ORC4: variants seen among roughly 807,000 people sequenced by gnomAD.
ORC4 encodes the protein origin recognition complex subunit 4.
In ORC4, 55 loss-of-function variants were observed where a neutral mutation model predicts 63.9. That is an observed-to-expected ratio of 0.86 (90% CI 0.69 to 1.08). ORC4 has a LOEUF of 1.08. ORC4 is among the 50% of genes least tolerant of loss of function. ORC4 has a pLI of 0.00. For missense variants in ORC4, 511 were observed against 504.4 expected, an observed-to-expected ratio of 1.01 and a Z score of -0.13; for synonymous variants, 150 against 168.5, an observed-to-expected ratio of 0.89 and a Z score of 0.85.
At chr2:147,943,305 C>T in intron 10 of ORC4, 131 bp downstream of exon 10, 1 of 691,238 alleles carries the variant, frequency 1.4e-6, no homozygotes, top group Non-Finnish European at 2.6e-6. Flanking sequence ...AATGTCAGCA[C>T]TTAGGGAGGC....
At chr2:147,987,040 T>A (rs1363971918) in intron 1 of ORC4, among the ~76,000 whole-genome samples, 1 of 151,988 alleles carries the variant, frequency 6.6e-6, no homozygotes, top group East Asian at 1.9e-4. Context: ...TAAAACTATT[T>A]TTTTTTTAGA....
chr2:147,994,901 T>C (rs1691846708), intron 1 of ORC4, among the ~76,000 whole-genome samples: 1 of 152,186 alleles, frequency 6.6e-6, no homozygotes, highest in South Asian at 2.1e-4. Context: ...GGCAGGCTCC[T>C]GTAATCCCAG....
chr2:147,996,410 A>G (rs919649406), intron 1 of ORC4, among the ~76,000 whole-genome samples: 2 of 152,238 alleles, frequency 1.3e-5, no homozygotes, highest in Admixed American at 6.5e-5. Context: ...CGAAAGTACA[A>G]TCCATGAAAG....
At chr2:147,937,604 T>C (rs1190503030) in intron 13 of ORC4, among the ~76,000 whole-genome samples, 1 of 152,180 alleles carries the variant, frequency 6.6e-6, no homozygotes, top group Non-Finnish European at 1.5e-5. Flanking sequence ...AATATATAAT[T>C]AAAATTAAAC....
chr2:147,979,757 G>A (rs532155299), intron 1 of ORC4, among the ~76,000 whole-genome samples: 2 of 152,144 alleles, frequency 1.3e-5, no homozygotes, highest in Non-Finnish European at 2.9e-5. Context: ...ATACAGAGTC[G>A]AGAAATAAAT....
chr2:147,941,546 T>C (rs1688363762), intron 10 of ORC4, among the ~76,000 whole-genome samples: 1 of 151,750 alleles, frequency 6.6e-6, no homozygotes. Context: ...AGGCTGAAAA[T>C]CTGTAATCTA....
At chr2:147,970,551 G>A (rs1690152754) in intron 4 of ORC4, among the ~76,000 whole-genome samples, 1 of 145,552 alleles carries the variant, frequency 6.9e-6, no homozygotes, top group African/African-American at 2.5e-5. Context: ...ACTGATCTTT[G>A]ACAAAGAAGC....
chr2:148,020,433 G>A (rs887514533), intron 1 of ORC4, among the ~76,000 whole-genome samples, 200 bp downstream of exon 1: 4 of 152,116 alleles, frequency 2.6e-5, no homozygotes, highest in South Asian at 2.1e-4. Context: ...GCAAGCTCAC[G>A]GGGCGGGAGT....
intron 13 of ORC4, 53 bp downstream of exon 13, chr2:147,938,093 G>C (rs1419843056): frequency 8.6e-7 from 1 of 1,162,864 alleles, no homozygotes; most frequent in African/African-American, 1.5e-5. Flanking sequence ...TAATCAAATT[G>C]GATGTAAAAA....
In ORC4 at chr2:147,958,806, G is replaced by C. The variant is rs776411231; in HGVS notation, c.286C>G (p.Gln96Glu). 10 of 1,457,686 alleles carry C rather than the reference G, an allele frequency of 6.9e-6. No homozygotes were observed. In the Middle Eastern group the frequency reaches 6.9e-4, roughly 101 times the overall value. The allele number at this position is 1,457,686 out of a possible 1,614,324, so 90.3% of individuals were successfully genotyped here. The stretch of plus-strand genomic sequence containing the variant: ...GCATACTTACCATTTAAGTGAACTT[G>C]TAATACATTTTCACTCACTTCTTCT... ...EIEEVSENVL[Q>E]VHLNGLLQIN... The change falls in exon 5 of 14, where the codon CAA becomes GAA. Residue 96 changes from glutamine (Q) to glutamate (E), a missense_variant. Coordinates refer to ENST00000392857, the MANE Select transcript of ORC4 (RefSeq NM_181741.4).
intron 3 of ORC4, 34 bp downstream of exon 3, chr2:147,973,414 G>C (rs1402028497): frequency 8.0e-7 from 1 of 1,256,234 alleles, no homozygotes; most frequent in African/African-American, 1.5e-5. Flanking sequence ...TCTGTAAGTA[G>C]GTCCATAACA....
intron 1 of ORC4, among the ~76,000 whole-genome samples, chr2:148,007,809 G>C (rs1309730942): frequency 6.6e-6 from 1 of 152,104 alleles, no homozygotes; most frequent in Non-Finnish European, 1.5e-5. Context: ...ACAAAGAAAG[G>C]ATCCTAAAAG....
In ORC4 at chr2:147,960,940, A is replaced by AT. The variant is rs769182354; in HGVS notation, c.226-2075dup. The stretch of plus-strand genomic sequence containing the variant: ...CAATCTGTCACTTGAAGCCATATCA[A>AT]TTTTTTTTTTAAATAAAATGCTTGT... On this transcript the variant is annotated intron_variant, in intron 4 of 13. Transcript: ENST00000392857. 3.7e-3 allele frequency among the ~76,000 whole-genome samples: 553 copies of AT among 150,752 alleles called. 7 individuals are homozygous for AT. The highest frequency in any genetic ancestry group is 1.8e-3 in the Non-Finnish European group (121 of 67,548).
intron 9 of ORC4, among the ~76,000 whole-genome samples, chr2:147,946,315 A>G (rs2105281007): frequency 6.6e-6 from 1 of 152,170 alleles, no homozygotes; most frequent in East Asian, 1.9e-4. Flanking sequence ...AGCCCATGGA[A>G]AGTACAGACA....
chr2:148,018,132 A>C (rs1693424397), intron 1 of ORC4, among the ~76,000 whole-genome samples: 1 of 152,236 alleles, frequency 6.6e-6, no homozygotes, highest in Non-Finnish European at 1.5e-5. Flanking sequence ...AAAAGATTTA[A>C]AAAGACAATG....
chr2:148,005,656 CAA>C (rs55869341), intron 1 of ORC4, among the ~76,000 whole-genome samples: 7 of 51,484 alleles, frequency 1.4e-4, no homozygotes, highest in Admixed American at 2.6e-4. Flanking sequence ...ACTATCCATG[CAA>C]AAAAAAAAAA....
rs532489602 is a variant in ORC4, at chr2:148,017,679, G to GA, written c.-18+2953dup. 8.1e-3 allele frequency among the ~76,000 whole-genome samples: 1,233 copies of GA among 152,206 alleles called. 13 individuals are homozygous for GA. Among genetic ancestry groups the GA allele is most frequent in the South Asian group, 0.041 (199 of 4,828 alleles). On this transcript the variant is annotated intron_variant, in intron 1 of 13. Coordinates refer to ENST00000392857, the MANE Select transcript of ORC4 (RefSeq NM_181741.4). ...AGAGCGAGACTCCATCTCCAGGGGG[G>GA]AAAAAATCTCCAAAAATTAAAAAAT... is the stretch of plus-strand genomic sequence containing the variant.
chr2:147,990,789 T>C (rs1691534589), intron 1 of ORC4, among the ~76,000 whole-genome samples: 1 of 152,230 alleles, frequency 6.6e-6, no homozygotes, highest in South Asian at 2.1e-4. Flanking sequence ...TAACCTTTAG[T>C]TAAGTAATAT....
intron 1 of ORC4, among the ~76,000 whole-genome samples, chr2:147,991,165 A>G (rs959708649): frequency 6.6e-6 from 1 of 150,748 alleles, no homozygotes. Context: ...CTCCTGCCTC[A>G]GCCTCCTGAG....
Sources: allele counts gnomAD v4.1 joint callset (sites outside exome capture counted in the v4.1 genomes callset), GRCh38; gene constraint gnomAD v4.1.1; transcripts MANE v1.5; gene names NCBI Gene and HGNC (gene_info 2026-07-23, HGNC 2026-07-21).